The following PTAFR variants were observed in gnomAD, a reference collection of about 807,000 sequenced individuals.
PTAFR encodes the protein platelet activating factor receptor, also known as platelet-activating factor receptor.
In PTAFR, 8 loss-of-function variants were observed where a neutral mutation model predicts 14.7. The observed-to-expected ratio is 0.54, with a 90% confidence interval of 0.32 to 0.98. The LOEUF (loss-of-function observed/expected upper bound fraction) is 0.98. Ranked by LOEUF, PTAFR falls within the 50% of genes least tolerant of loss-of-function variation. The pLI, the probability that PTAFR is intolerant of heterozygous loss-of-function variation, is 0.04. For synonymous variants in PTAFR, 156 were observed against 176.5 expected, an observed-to-expected ratio of 0.88 and a Z score of 0.92; for missense variants, 337 against 451.2, an observed-to-expected ratio of 0.75 and a Z score of 2.29.
chr1:28,175,429 C>CA (rs1272812839), intron 1 of PTAFR, among the ~76,000 whole-genome samples: 2 of 151,984 alleles, frequency 1.3e-5, no homozygotes, highest in Non-Finnish European at 2.9e-5. Flanking sequence ...CACTCCCCAA[C>CA]ACACCTCCCA....
Position 28,175,944 on chromosome 1 carries a change from T to C in PTAFR, c.-39+648A>G, listed in dbSNP as rs924259226. 4.0e-5 allele frequency among the ~76,000 whole-genome samples: 6 copies of C among 151,824 alleles called. No homozygotes were observed. The East Asian group carries it at 1.2e-3, about 29-fold the overall frequency. ...ATCCAAGCTGCCCCCATCACCACCA[T>C]CACCACCTCCCAGTAGGGTCTCTGG... On this transcript the variant is annotated intron_variant, in intron 1 of 1. Coordinates refer to ENST00000373857, the MANE Select transcript of PTAFR (RefSeq NM_000952.5).
In PTAFR at chr1:28,186,472, A is replaced by C. The variant is rs188820945; in HGVS notation, c.-39+7250T>G. Among the ~76,000 whole-genome samples, 5 of 152,370 alleles carry C rather than the reference A, an allele frequency of 3.3e-5. No individual in the cohort carries two copies. The East Asian group carries it at 5.8e-4, about 18-fold the overall frequency. ...ATCAAAATCCCAATAGTTTTCCCAGAAAATTTATAGGCTAATCCTAAAATT... is the reference window on the plus strand; with the variant it reads ...ATCAAAATCCCAATAGTTTTCCCAGCAAATTTATAGGCTAATCCTAAAATT... On this transcript the variant is annotated intron_variant, in intron 1 of 1. Coordinates refer to the PTAFR transcript ENST00000305392.
In PTAFR at chr1:28,150,095, G is replaced by A; in HGVS notation, c.927C>T (p.Tyr309=). 6.2e-7 allele frequency: 1 copy of A among 1,614,196 alleles called. No individual in the cohort carries two copies. Among genetic ancestry groups the A allele is most frequent in the Non-Finnish European group, 8.5e-7 (1 of 1,180,042 alleles). Residue 309 remains tyrosine, a synonymous_variant, in exon 2 of 2, where the codon TAC becomes TAT. Coordinates refer to ENST00000373857, the MANE Select transcript of PTAFR (RefSeq NM_000952.5). This position sits in a 1 kb window ranked among gnomAD's most constrained non-coding sequence, Gnocchi z 6.3. ...KFRKHLTEKF[Y]SMRSSRKCSR... ...AGCATTTCCGGCTACTGCGCATGCT[G>A]TAGAACTTTTCGGTGAGGTGCTTGC... is the stretch of plus-strand genomic sequence containing the variant.
chr1:28,164,455 A>G (rs765607890), intron 1 of PTAFR, among the ~76,000 whole-genome samples: 3 of 151,636 alleles, frequency 2.0e-5, no homozygotes, highest in Non-Finnish European at 2.9e-5. Flanking sequence ...GGATCCAAGT[A>G]CTCCTTGCTC....
intron 1 of PTAFR, among the ~76,000 whole-genome samples, chr1:28,186,899 T>C (rs1401963857): frequency 7.9e-5 from 12 of 152,128 alleles, no homozygotes; most frequent in Admixed American, 7.9e-4. Flanking sequence ...CACTCCAGCC[T>C]GGGTAACAGA....
chr1:28,165,462 C>G (rs1198298196), intron 1 of PTAFR, among the ~76,000 whole-genome samples: 1 of 141,466 alleles, frequency 7.1e-6, no homozygotes, highest in South Asian at 2.3e-4. Context: ...ACCAAGGAGG[C>G]AAAAGACTTG....
intron 1 of PTAFR, among the ~76,000 whole-genome samples, chr1:28,189,331 C>T (rs2149009384): frequency 6.6e-6 from 1 of 152,070 alleles, no homozygotes; most frequent in East Asian, 1.9e-4. Context: ...AAACATAATG[C>T]GGCCGGGCAT....
chr1:28,162,336 T>C (rs898323379), intron 1 of PTAFR, among the ~76,000 whole-genome samples: 3 of 152,114 alleles, frequency 2.0e-5, no homozygotes, highest in African/African-American at 7.2e-5. Flanking sequence ...TTGGTAAACA[T>C]TTGTCAGGTG....
rs1200215350 is a variant in PTAFR, at chr1:28,147,738, G to A, written c.*2255C>T. On this transcript the variant is annotated 3_prime_UTR_variant, in exon 2 of 2. Coordinates refer to ENST00000373857, the MANE Select transcript of PTAFR (RefSeq NM_000952.5). ...AAGGGGCCCAAATTCGCAGAAAAGG[G>A]GAGGGTCTAAGATGAGCAGTCACCC... The A allele has an allele frequency of 6.6e-6, 1 of 152,162 alleles. No homozygotes were observed. Among genetic ancestry groups the A allele is most frequent in the African/African-American group, 2.4e-5 (1 of 41,420 alleles). 9.4% of individuals were successfully genotyped at this position (152,162 alleles called of 1,614,324 possible). A position where few individuals can be genotyped will look rare whatever the true frequency, so the allele number is the denominator to read the frequency against.
At chr1:28,165,204 A>C (rs372781722) in intron 1 of PTAFR, among the ~76,000 whole-genome samples, 2 of 152,028 alleles carry the variant, frequency 1.3e-5, no homozygotes, top group East Asian at 3.9e-4. Context: ...CAGGAGTTTG[A>C]GACCAGCCTG....
At chr1:28,181,729 C>T (rs1445809741) in intron 1 of PTAFR, among the ~76,000 whole-genome samples, 2 of 150,924 alleles carry the variant, frequency 1.3e-5, no homozygotes, top group African/African-American at 2.4e-5. Flanking sequence ...GCAACAAGAG[C>T]GAAACTCCAT....
Position 28,150,569 on chromosome 1 carries a change from G to T in PTAFR, c.453C>A (p.Tyr151Ter). 6.2e-7 allele frequency: 1 copy of T among 1,614,230 alleles called. No homozygotes were observed. The highest frequency in any genetic ancestry group is 1.1e-5 in the South Asian group (1 of 91,086). Residue 151 changes from tyrosine to a stop codon, truncating the protein, a stop_gained, in exon 2 of 2, where the codon TAC becomes TAA. Transcript: ENST00000373857. LOFTEE classifies it high-confidence loss of function. The surrounding 1 kb of genome is among the most constrained non-coding windows in gnomAD (Gnocchi z 6.3). ...TGTTGGTGGAGTCCAGGATGAGGAA[G>T]TAGGATGCAGCTCCCACAATGGCCA... Reference protein sequence around the residue: ...IWVAIVGAASYFLILDSTNTV... With the variant: ...IWVAIVGAAS
intron 1 of PTAFR, among the ~76,000 whole-genome samples, chr1:28,170,493 C>T (rs1250842034): frequency 6.6e-6 from 1 of 151,966 alleles, no homozygotes; most frequent in East Asian, 1.9e-4. Flanking sequence ...TGCTTGAGGT[C>T]AGGAGTTTAA....
chr1:28,190,971 G>A (rs532921416), intron 1 of PTAFR, among the ~76,000 whole-genome samples: 1 of 152,270 alleles, frequency 6.6e-6, no homozygotes, highest in East Asian at 1.9e-4. Flanking sequence ...TCCTCACAAT[G>A]GGATTAGGCC....
chr1:28,160,130 G>T (rs1433124009), intron 1 of PTAFR, among the ~76,000 whole-genome samples: 1 of 151,468 alleles, frequency 6.6e-6, no homozygotes, highest in African/African-American at 2.4e-5. Context: ...CAGGAGGATT[G>T]CTTGAGCCCA....
At chr1:28,192,121 C>A (rs1201977678) in intron 1 of PTAFR, among the ~76,000 whole-genome samples, 1 of 151,810 alleles carries the variant, frequency 6.6e-6, no homozygotes, top group Admixed American at 6.6e-5. Flanking sequence ...GACTCTGGGA[C>A]CAGACTCACC....
At chr1:28,177,877 T>C (rs1414476264), upstream of PTAFR, among the ~76,000 whole-genome samples, 1 of 152,020 alleles carries the variant, frequency 6.6e-6, no homozygotes, top group Non-Finnish European at 1.5e-5. Context: ...GAAAGTGAGC[T>C]GGTGGGGGCA....
intron 1 of PTAFR, among the ~76,000 whole-genome samples, chr1:28,155,143 A>G (rs1192040368): frequency 6.6e-6 from 1 of 152,080 alleles, no homozygotes; most frequent in Non-Finnish European, 1.5e-5. Flanking sequence ...CCTGCCTAGA[A>G]GCCTCCACAA....
At chr1:28,174,200 C>G (rs1237649438) in intron 1 of PTAFR, among the ~76,000 whole-genome samples, 3 of 152,146 alleles carry the variant, frequency 2.0e-5, no homozygotes, top group Non-Finnish European at 4.4e-5. Flanking sequence ...TGGGAGCTGG[C>G]TCTGCTCCCG....
Sources: allele counts gnomAD v4.1 joint callset (sites outside exome capture counted in the v4.1 genomes callset), GRCh38; gene constraint gnomAD v4.1.1; non-coding constraint Gnocchi (gnomAD v3.1); transcripts MANE v1.5; gene names NCBI Gene and HGNC (gene_info 2026-07-23, HGNC 2026-07-21).